The following AKAP9 variants were observed in gnomAD, a reference collection of about 807,000 sequenced individuals.
The protein encoded by AKAP9 is A-kinase anchor protein 9.
Under a neutral mutation model 488.5 loss-of-function variants are expected in AKAP9, and 311 were observed. The observed-to-expected ratio is 0.64, with a 90% CI of 0.58 to 0.70. The LOEUF (loss-of-function observed/expected upper bound fraction) is 0.70, where lower values mean the gene tolerates loss of function less well. AKAP9 is among the 30% of genes least tolerant of loss of function. AKAP9 has a pLI of 0.00. For missense variants in AKAP9, 4,215 were observed against 4,374.5 expected, an observed-to-expected ratio of 0.96 and a Z score of 1.03; for synonymous variants, 1,462 against 1,483.5, an observed-to-expected ratio of 0.99 and a Z score of 0.33.
At chr7:92,023,288 T>G (rs2130733211) in intron 14 of AKAP9, among the ~76,000 whole-genome samples, 1 of 152,358 alleles carries the variant, frequency 6.6e-6, no homozygotes, top group South Asian at 2.1e-4. Context: ...ATCGGCAGTG[T>G]GCACATATTT....
chr7:92,099,935 T>A, intron 44 of AKAP9, 66 bp downstream of exon 44: 1 of 1,524,760 alleles, frequency 6.6e-7, no homozygotes, highest in East Asian at 2.3e-5. Context: ...TGCTGTCTAG[T>A]TCAAGTTTTA....
intron 12 of AKAP9, among the ~76,000 whole-genome samples, chr7:92,020,080 CAGGT>C (rs1802115951): frequency 6.6e-6 from 1 of 151,786 alleles, no homozygotes; most frequent in Admixed American, 6.6e-5. Flanking sequence ...ATATAGCAAA[CAGGT>C]AGATGTCTTT....
chr7:91,983,159 C>T (rs554140721), intron 3 of AKAP9, among the ~76,000 whole-genome samples: 6 of 152,086 alleles, frequency 3.9e-5, no homozygotes, highest in African/African-American at 9.6e-5. Flanking sequence ...CCCATTAACT[C>T]GTCATTTCAT....
chr7:92,108,911 A>C, intron 49 of AKAP9: 1 of 493,048 alleles, frequency 2.0e-6, no homozygotes. Context: ...AAAATGCACA[A>C]TGAGCACCAG....
intron 2 of AKAP9, among the ~76,000 whole-genome samples, chr7:91,978,958 A>C (rs1372350816): frequency 1.2e-5 from 1 of 81,406 alleles, no homozygotes; most frequent in Non-Finnish European, 2.4e-5. Context: ...TTTTTTTTTT[A>C]GTAAAGACGA....
At chr7:92,033,938 T>C (rs1804724740) in intron 16 of AKAP9, among the ~76,000 whole-genome samples, 1 of 152,226 alleles carries the variant, frequency 6.6e-6, no homozygotes, top group Admixed American at 6.5e-5. Context: ...TTTGTTTCCA[T>C]AGACCTTACA....
chr7:92,097,848 C>A (rs1816880095), intron 42 of AKAP9, 54 bp downstream of exon 42: 2 of 1,551,336 alleles, frequency 1.3e-6, no homozygotes, highest in Admixed American at 1.7e-5. Context: ...GCTGGGTAGA[C>A]CCCATGCCTC....
At chr7:92,074,811 A>G (rs1250872967) in intron 28 of AKAP9, among the ~76,000 whole-genome samples, 1 of 152,192 alleles carries the variant, frequency 6.6e-6, no homozygotes, top group African/African-American at 2.4e-5. Flanking sequence ...AAGCTGAACA[A>G]TGAGAACACA....
intron 1 of AKAP9, among the ~76,000 whole-genome samples, chr7:91,952,867 T>C (rs1300277247): frequency 1.3e-5 from 2 of 152,178 alleles, no homozygotes; most frequent in African/African-American, 4.8e-5. Flanking sequence ...TCACCCAGGC[T>C]GCAGTGCAGT....
At chr7:92,053,139 A>G (rs943656739) in intron 22 of AKAP9, among the ~76,000 whole-genome samples, 181 bp downstream of exon 22, 6 of 152,180 alleles carry the variant, frequency 3.9e-5, no homozygotes, top group African/African-American at 9.7e-5. Flanking sequence ...AAATGATTCT[A>G]TACTGAATTC....
intron 3 of AKAP9, among the ~76,000 whole-genome samples, chr7:91,991,849 G>T (rs1584745490): frequency 6.6e-6 from 1 of 152,302 alleles, no homozygotes; most frequent in East Asian, 1.9e-4. Flanking sequence ...TCATAGAAGA[G>T]ATTTTATTGA....
At chr7:92,080,938 C>T (rs1384111649) in intron 31 of AKAP9, among the ~76,000 whole-genome samples, 1 of 152,076 alleles carries the variant, frequency 6.6e-6, no homozygotes, top group East Asian at 1.9e-4. Context: ...CATAGGAACT[C>T]AAGATACAGA....
chr7:92,023,533 C>T (rs967740215), intron 14 of AKAP9, among the ~76,000 whole-genome samples: 3 of 152,148 alleles, frequency 2.0e-5, no homozygotes, highest in Admixed American at 1.3e-4. Context: ...TCAAGACGTC[C>T]TATTTTCTCC....
intron 8 of AKAP9, among the ~76,000 whole-genome samples, chr7:92,006,938 C>T (rs1799948141): frequency 6.6e-6 from 1 of 152,162 alleles, no homozygotes; most frequent in Admixed American, 6.5e-5. Flanking sequence ...AATATCAGCT[C>T]CTTGAGAACA....
chr7:91,974,893 G>A (rs1041525087), intron 2 of AKAP9, among the ~76,000 whole-genome samples: 14 of 150,842 alleles, frequency 9.3e-5, no homozygotes, highest in South Asian at 4.2e-4. Context: ...CTCTGTCACC[G>A]AGACTGGAGT....
chr7:92,057,627 C>G (rs1305451822), intron 22 of AKAP9: 1 of 200,482 alleles, frequency 5.0e-6, no homozygotes, highest in Non-Finnish European at 1.0e-5. Context: ...AGAGCTTTTC[C>G]TTTTGAATAG....
At chr7:91,976,710 A>T (rs1020426953) in intron 2 of AKAP9, among the ~76,000 whole-genome samples, 1 of 151,970 alleles carries the variant, frequency 6.6e-6, no homozygotes, top group Non-Finnish European at 1.5e-5. Flanking sequence ...TTCAGAGTGG[A>T]TAATTGCAAT....
At position 92,053,022 on chromosome 7, in the gene AKAP9, G is replaced by T; in HGVS notation, c.5601+64G>T. ...GTACAATATACTATCCCACTCTCTC[G>T]ACTGAGCTAATTTTGATATTTTCAT... is the stretch of plus-strand genomic sequence containing the variant. On this transcript the variant is annotated intron_variant, in intron 22 of 49. Transcript: ENST00000356239. 4 of 1,348,776 alleles carry T rather than the reference G, an allele frequency of 3.0e-6. No homozygotes were observed. In the South Asian group the frequency reaches 3.6e-5, roughly 12 times the overall value. 83.6% of individuals were successfully genotyped at this position (1,348,776 alleles called of 1,614,324 possible).
At chr7:92,091,518 A>C (rs1815564699) in intron 38 of AKAP9, among the ~76,000 whole-genome samples, 1 of 148,432 alleles carries the variant, frequency 6.7e-6, no homozygotes, top group Non-Finnish European at 1.5e-5. Flanking sequence ...CTTAGGAGGC[A>C]GAGGTTGCAA....
Sources: gnomAD v4.1 joint callset for allele counts (sites outside exome capture counted in the v4.1 genomes callset) on GRCh38, gnomAD v4.1.1 for gene constraint, MANE v1.5 for transcripts, NCBI Gene and HGNC (gene_info 2026-07-23, HGNC 2026-07-21) for gene names.